Variants in MAD1L1 observed in about 807,000 individuals in gnomAD.
MAD1L1 encodes the protein mitotic spindle assembly checkpoint protein MAD1.
MAD1L1 carries 95 observed loss-of-function variants against 96.9 expected under a neutral mutation model. The observed-to-expected ratio is 0.98, with a 90% CI of 0.83 to 1.16. The LOEUF is 1.16. MAD1L1 is among the 50% of genes most tolerant of loss of function. The pLI, the probability that MAD1L1 is intolerant of heterozygous loss-of-function variation, is 0.00. For synonymous variants in MAD1L1, 473 were observed against 396.6 expected (o/e 1.19, Z -2.29); for missense variants, 1,007 against 954.4 (o/e 1.06, Z -0.73).
chr7:1,823,972 G>A (rs751644669), intron 18 of MAD1L1, among the ~76,000 whole-genome samples: 2 of 152,200 alleles, frequency 1.3e-5, no homozygotes, highest in Non-Finnish European at 1.5e-5. Flanking sequence ...AGGAGCCCTC[G>A]GGGGAAGTTA....
At chr7:2,147,854 C>G (rs1302045809) in intron 11 of MAD1L1, among the ~76,000 whole-genome samples, 2 of 152,258 alleles carry the variant, frequency 1.3e-5, no homozygotes, top group Non-Finnish European at 2.9e-5. Context: ...TGGCCCTGGA[C>G]ACAGAGATGG....
Position 2,083,267 on chromosome 7 carries a change from C to T in MAD1L1, c.1074-13929G>A, listed in dbSNP as rs372955257. On this transcript the variant is annotated intron_variant, in intron 11 of 18. Transcript: ENST00000265854. ...CCCATTCGCCCATCACTGAGTCACC[C>T]GGCAGCTCATTTATGAACCTCGCTT... Among the ~76,000 whole-genome samples the T allele has an allele frequency of 3.6e-4, 55 of 152,342 alleles. 1 individual carries two copies. Among genetic ancestry groups the T allele is most frequent in the South Asian group, 4.1e-4 (2 of 4,828 alleles).
chr7:1,824,330 A>T (rs1399760311), intron 18 of MAD1L1, among the ~76,000 whole-genome samples: 1 of 142,978 alleles, frequency 7.0e-6, no homozygotes, highest in Non-Finnish European at 1.5e-5. Flanking sequence ...AAGCTGCGTG[A>T]CCCTGGGCAC....
intron 11 of MAD1L1, among the ~76,000 whole-genome samples, chr7:2,096,528 T>A (rs1371466058): frequency 1.3e-5 from 2 of 152,122 alleles, no homozygotes; most frequent in Non-Finnish European, 2.9e-5. Context: ...TCTTCTATTT[T>A]ATTCTGTGTG....
At position 1,816,042 on chromosome 7, in the gene MAD1L1, G is replaced by A. The variant is rs1217816061; in HGVS notation, c.*28C>T. 1.3e-6 allele frequency: 2 copies of A among 1,586,374 alleles called. No homozygotes were observed. Among genetic ancestry groups the A allele is most frequent in the Non-Finnish European group, 1.7e-6 (2 of 1,165,862 alleles). ...CCTGCAGGTCAGGCCAAGCAGAGTGGCTCCGGCTATGCCCCCGAGCCTGCA... is the reference window on the plus strand; with the variant it reads ...CCTGCAGGTCAGGCCAAGCAGAGTGACTCCGGCTATGCCCCCGAGCCTGCA... On this transcript the variant is annotated 3_prime_UTR_variant, in exon 19 of 19. Transcript: ENST00000265854.
At chr7:1,917,155 C>T (rs534174204) in intron 17 of MAD1L1, among the ~76,000 whole-genome samples, 26 of 152,332 alleles carry the variant, frequency 1.7e-4, no homozygotes, top group South Asian at 1.0e-3. Flanking sequence ...AGCGTCCAGG[C>T]GATGCTCAGA....
intron 15 of MAD1L1, among the ~76,000 whole-genome samples, chr7:1,974,039 C>T (rs1002486599): frequency 6.6e-6 from 1 of 152,226 alleles, no homozygotes; most frequent in African/African-American, 2.4e-5. Context: ...CAGGAGCCTG[C>T]ATGTCACTCT....
chr7:2,144,261 A>G lies in MAD1L1; in HGVS notation c.1073+4891T>C, dbSNP rs147853809. Among the ~76,000 whole-genome samples, 221 of 152,354 alleles carry G rather than the reference A, an allele frequency of 1.5e-3. 1 individual carries two copies. Among genetic ancestry groups the G allele is most frequent in the African/African-American group, 4.9e-3 (203 of 41,590 alleles). On this transcript the variant is annotated intron_variant, in intron 11 of 18. Transcript: ENST00000265854. Reference sequence around the variant, plus strand: ...TCAAGTGAGAGGCTGCGCATGAAGCACAGCGCAGCGCATGGTGAGGGCAGA... The same window carrying G: ...TCAAGTGAGAGGCTGCGCATGAAGCGCAGCGCAGCGCATGGTGAGGGCAGA...
chr7:1,929,569 C>CA (rs1789308996), intron 17 of MAD1L1, among the ~76,000 whole-genome samples: 1 of 152,090 alleles, frequency 6.6e-6, no homozygotes, highest in African/African-American at 2.4e-5. Context: ...AGCAGGGACT[C>CA]AGATCCCCGA....
At chr7:2,081,001 G>A (rs978989681) in intron 11 of MAD1L1, among the ~76,000 whole-genome samples, 14 of 152,160 alleles carry the variant, frequency 9.2e-5, no homozygotes, top group African/African-American at 2.9e-4. Flanking sequence ...TCCAGACTCT[G>A]TGCCCCCTCT....
At chr7:2,156,715 G>A (rs1025424051) in intron 10 of MAD1L1, among the ~76,000 whole-genome samples, 11 of 151,874 alleles carry the variant, frequency 7.2e-5, no homozygotes, top group African/African-American at 2.7e-4. Context: ...CACCTACTCA[G>A]GAGGCTGAGG....
intron 17 of MAD1L1, among the ~76,000 whole-genome samples, chr7:1,919,637 C>T (rs1267801089): frequency 6.6e-6 from 1 of 152,250 alleles, no homozygotes; most frequent in East Asian, 1.9e-4. Context: ...ATGCTGAGCA[C>T]ACATCATGGG....
At chr7:2,174,803 T>C (rs2128597188) in intron 10 of MAD1L1, among the ~76,000 whole-genome samples, 1 of 152,358 alleles carries the variant, frequency 6.6e-6, no homozygotes, top group Non-Finnish European at 1.5e-5. Flanking sequence ...AGAGGTTTCT[T>C]CCTGGAAGTT....
intron 18 of MAD1L1, among the ~76,000 whole-genome samples, chr7:1,887,029 T>A (rs1278446502): frequency 6.6e-6 from 1 of 152,214 alleles, no homozygotes; most frequent in Non-Finnish European, 1.5e-5. Context: ...AGACTCCACA[T>A]CTCTTTTTCT....
chr7:1,913,608 G>C (rs1471302916), intron 17 of MAD1L1, among the ~76,000 whole-genome samples: 1 of 152,136 alleles, frequency 6.6e-6, no homozygotes, highest in African/African-American at 2.4e-5. Context: ...GGCTCTAGAA[G>C]TGGCGGGGAG....
rs558113923 is a variant in MAD1L1 at position 2,035,117 on chromosome 7, C to T, written c.1219-20475G>A. ...TTTCTGAATAAAGAAATGCCAGACACGATGTGGGAGAAAAGGAAACCAGGC... is the reference window on the plus strand; with the variant it reads ...TTTCTGAATAAAGAAATGCCAGACATGATGTGGGAGAAAAGGAAACCAGGC... On this transcript the variant is annotated intron_variant, in intron 12 of 18. Coordinates refer to ENST00000265854, the MANE Select transcript of MAD1L1 (RefSeq NM_001013836.2). Among the ~76,000 whole-genome samples, 4 of 152,366 alleles carry T rather than the reference C, an allele frequency of 2.6e-5. No homozygotes were observed. The East Asian group carries it at 5.8e-4, about 22-fold the overall frequency.
intron 17 of MAD1L1, among the ~76,000 whole-genome samples, chr7:1,917,251 C>T (rs1466737681): frequency 6.6e-6 from 1 of 152,214 alleles, no homozygotes; most frequent in African/African-American, 2.4e-5. Context: ...GCACTGCCAG[C>T]ACATGGGCCT....
At chr7:2,128,806 C>T (rs1012758700) in intron 11 of MAD1L1, among the ~76,000 whole-genome samples, 29 of 152,282 alleles carry the variant, frequency 1.9e-4, no homozygotes, top group East Asian at 1.7e-3. Flanking sequence ...CCCTCAAGCC[C>T]GTCAGGCCAC....
intron 12 of MAD1L1, among the ~76,000 whole-genome samples, chr7:2,036,916 C>A (rs528953533): frequency 2.6e-5 from 4 of 152,220 alleles, no homozygotes; most frequent in Admixed American, 2.6e-4. Flanking sequence ...CCAACGCGCA[C>A]GAGGCACGCT....
Sources: gnomAD v4.1 joint callset for allele counts (sites outside exome capture counted in the v4.1 genomes callset) on GRCh38, gnomAD v4.1.1 for gene constraint, MANE v1.5 for transcripts, NCBI Gene and HGNC (gene_info 2026-07-23, HGNC 2026-07-21) for gene names.